RAPGEF6: variants seen among roughly 807,000 people sequenced by gnomAD.
RAPGEF6 encodes Rap guanine nucleotide exchange factor 6, also known as PDZ domain containing guanine nucleotide exchange factor (GEF) 2.
A neutral mutation model predicts 171.4 loss-of-function variants in RAPGEF6; 56 were observed. The observed-to-expected ratio is 0.33, with a 90% CI of 0.26 to 0.41. RAPGEF6 has a LOEUF of 0.41. RAPGEF6 is among the 10% of genes least tolerant of loss of function. The probability of loss-of-function intolerance (pLI) is 1.00; values close to 1 mark genes in which losing one functional copy is unlikely to be tolerated. For synonymous variants in RAPGEF6, 692 were observed against 650.1 expected, an observed-to-expected ratio of 1.06 and a Z score of -0.98; for missense variants, 1,674 against 1,921.4, an observed-to-expected ratio of 0.87 and a Z score of 2.41.
At chr5:131,432,183 T>C (rs1751749048) in intron 25 of RAPGEF6, among the ~76,000 whole-genome samples, 1 of 152,098 alleles carries the variant, frequency 6.6e-6, no homozygotes, top group Non-Finnish European at 1.5e-5. Flanking sequence ...ACAGAGACTA[T>C]ATGTAGATTG....
intron 4 of RAPGEF6, among the ~76,000 whole-genome samples, chr5:131,580,477 C>T (rs1762886655): frequency 6.6e-6 from 1 of 152,112 alleles, no homozygotes; most frequent in Middle Eastern, 3.2e-3. Context: ...CTGAGAGGGG[C>T]TCCCACAGTG....
chr5:131,606,916 C>T (rs555541322), intron 1 of RAPGEF6, among the ~76,000 whole-genome samples: 1 of 152,246 alleles, frequency 6.6e-6, no homozygotes, highest in South Asian at 2.1e-4. Flanking sequence ...AGAATGATCC[C>T]AATTGAGGCT....
intron 16 of RAPGEF6, among the ~76,000 whole-genome samples, chr5:131,474,289 C>A (rs1229173754): frequency 6.6e-6 from 1 of 152,116 alleles, no homozygotes; most frequent in African/African-American, 2.4e-5. Context: ...CATGGCGAAA[C>A]CCCGTCTCTA....
intron 4 of RAPGEF6, among the ~76,000 whole-genome samples, chr5:131,574,403 A>C (rs1253076353): frequency 1.3e-5 from 2 of 152,168 alleles, no homozygotes; most frequent in Non-Finnish European, 2.9e-5. Context: ...GGTAACTCTT[A>C]CAGTGGAGGG....
At chr5:131,589,569 T>G (rs1763468957) in intron 4 of RAPGEF6, among the ~76,000 whole-genome samples, 1 of 152,054 alleles carries the variant, frequency 6.6e-6, no homozygotes, top group Non-Finnish European at 1.5e-5. Context: ...GCCAGGGGAG[T>G]GGACTGTGAC....
At chr5:131,495,279 C>T (rs991444569) in intron 13 of RAPGEF6, among the ~76,000 whole-genome samples, 8 of 148,820 alleles carry the variant, frequency 5.4e-5, no homozygotes, top group African/African-American at 1.7e-4. Context: ...TGGGCGACAG[C>T]GAGACTCCGT....
intron 3 of RAPGEF6, among the ~76,000 whole-genome samples, chr5:131,593,150 C>A (rs1294837560): frequency 2.6e-5 from 4 of 152,156 alleles, no homozygotes; most frequent in African/African-American, 9.7e-5. Context: ...CATATAGTAT[C>A]CATTTTACAG....
intron 16 of RAPGEF6, 91 bp downstream of exon 16, chr5:131,479,408 TAGTTATATAACAAA>T: frequency 8.5e-7 from 1 of 1,180,260 alleles, no homozygotes; most frequent in Non-Finnish European, 1.2e-6. Flanking sequence ...TATGATACAT[TAGTTATATAACAAA>T]GCAAAACTTA....
At chr5:131,472,503 T>C in intron 17 of RAPGEF6, 84 bp downstream of exon 17, 1 of 1,444,830 alleles carries the variant, frequency 6.9e-7, no homozygotes, top group Non-Finnish European at 9.6e-7. Flanking sequence ...TGCAAGTAAC[T>C]CTAGCACTTG....
chr5:131,460,388 C>T (rs899037812), intron 19 of RAPGEF6, among the ~76,000 whole-genome samples: 3 of 152,164 alleles, frequency 2.0e-5, no homozygotes, highest in African/African-American at 7.2e-5. Flanking sequence ...TAGACCTCTA[C>T]CACTTTCTTT....
intron 6 of RAPGEF6, chr5:131,532,998 T>C (rs1759498780): frequency 6.6e-6 from 1 of 152,560 alleles, no homozygotes; most frequent in East Asian, 1.9e-4. Flanking sequence ...AAGCTCCTAT[T>C]GATTCTATGC....
At chr5:131,613,766 T>A (rs1468957319) in intron 1 of RAPGEF6, among the ~76,000 whole-genome samples, 1 of 151,664 alleles carries the variant, frequency 6.6e-6, no homozygotes, top group African/African-American at 2.4e-5. Context: ...TTCAGTGGAG[T>A]TCTGTCTCCC....
At chr5:131,572,154 G>A (rs539234906) in intron 4 of RAPGEF6, among the ~76,000 whole-genome samples, 6 of 152,148 alleles carry the variant, frequency 3.9e-5, no homozygotes, top group Admixed American at 1.3e-4. Context: ...TTATATGGAC[G>A]TGCGTAACAT....
intron 4 of RAPGEF6, among the ~76,000 whole-genome samples, chr5:131,590,965 A>G (rs553541098): frequency 2.3e-4 from 35 of 152,316 alleles, no homozygotes; most frequent in African/African-American, 5.8e-4. Flanking sequence ...AATACAGGGA[A>G]AAGGAACAAT....
chr5:131,570,512 A>G (rs1049265785), intron 4 of RAPGEF6, among the ~76,000 whole-genome samples: 2 of 152,220 alleles, frequency 1.3e-5, no homozygotes, highest in African/African-American at 4.8e-5. Context: ...AAATTTTGAT[A>G]GAAGCATTTT....
chr5:131,539,364 C>G (rs1759983235), intron 6 of RAPGEF6, among the ~76,000 whole-genome samples: 1 of 152,208 alleles, frequency 6.6e-6, no homozygotes, highest in African/African-American at 2.4e-5. Flanking sequence ...TTAAACAGTT[C>G]AAATTCTAAA....
intron 3 of RAPGEF6, among the ~76,000 whole-genome samples, chr5:131,592,968 T>C (rs1420055773): frequency 7.9e-5 from 12 of 152,172 alleles, no homozygotes. Flanking sequence ...TGTGATACAA[T>C]TAAAGATAAT....
Position 131,455,956 on chromosome 5 carries a change from C to G in RAPGEF6, c.2921G>C (p.Ser974Thr), listed in dbSNP as rs149061730. 1,390 of 1,613,832 alleles carry G rather than the reference C, an allele frequency of 8.6e-4. No individual in the cohort carries two copies. Among genetic ancestry groups the G allele is most frequent in the Non-Finnish European group, 1.1e-3 (1,290 of 1,179,910 alleles). Reference protein sequence around the residue: ...RLRGTWEKLPSKYEKHLQDLQ... With the variant: ...RLRGTWEKLPTKYEKHLQDLQ... ...ATCTTGAAGATGTTTCTCGTATTTG[C>G]TTGGTAACTTTTCCCAAGTTCCTCT... Residue 974 changes from serine (S) to threonine (T), a missense_variant, in exon 20 of 28, where the codon AGC becomes ACC. By Grantham distance (58) the Ser-to-Thr change is moderately conservative. Transcript: ENST00000509018.
chr5:131,597,496 T>C (rs1763970469), intron 3 of RAPGEF6, among the ~76,000 whole-genome samples: 1 of 152,290 alleles, frequency 6.6e-6, no homozygotes, highest in African/African-American at 2.4e-5. Context: ...GGGGTATATA[T>C]ACTCAATAGA....
Sources: gnomAD v4.1 joint callset for allele counts (sites outside exome capture counted in the v4.1 genomes callset) on GRCh38, gnomAD v4.1.1 for gene constraint, MANE v1.5 for transcripts, NCBI Gene and HGNC (gene_info 2026-07-23, HGNC 2026-07-21) for gene names.